The following P4HTM variants were observed in gnomAD, a reference collection of about 807,000 sequenced individuals.
The protein encoded by P4HTM is transmembrane prolyl 4-hydroxylase.
In P4HTM, 33 loss-of-function variants were observed where a neutral mutation model predicts 55.3. The observed-to-expected ratio is 0.60, with a 90% CI of 0.45 to 0.80. P4HTM has a LOEUF of 0.80. Ranked by LOEUF, P4HTM falls within the 30% of genes least tolerant of loss-of-function variation. P4HTM has a pLI of 0.00. For missense variants in P4HTM, 542 were observed against 696.5 expected, an observed-to-expected ratio of 0.78 and a Z score of 2.50; for synonymous variants, 272 against 286.4, an observed-to-expected ratio of 0.95 and a Z score of 0.51.
At chr3:48,991,789 C>T (rs985837240) in intron 2 of P4HTM, 1 of 152,236 alleles carries the variant, frequency 6.6e-6, no homozygotes, top group African/African-American at 2.4e-5. Flanking sequence ...GTCCCATGGA[C>T]ATTGTCCAGG....
In P4HTM at chr3:49,002,514, T is replaced by G. The variant is rs547894228; in HGVS notation, c.642T>G (p.Thr214=). The change falls in exon 4 of 9, where the codon ACT becomes ACG. Residue 214 remains threonine (T), a synonymous_variant. Coordinates refer to ENST00000383729, the MANE Select transcript of P4HTM (RefSeq NM_177939.3). This position sits in a 1 kb window ranked among gnomAD's most constrained non-coding sequence, Gnocchi z 4.4. ...TTATGCTTTAGGTTCTGGCCCAGACTCGCCTGGGAAATGGATGGTGGATGA... is the reference window on the plus strand; with the variant it reads ...TTATGCTTTAGGTTCTGGCCCAGACGCGCCTGGGAAATGGATGGTGGATGA... ...HLQLREVLAQ[T]RLGNGWWMTP... 6.2e-7 allele frequency: 1 copy of G among 1,613,746 alleles called. No homozygotes were observed. Among genetic ancestry groups the G allele is most frequent in the South Asian group, 1.1e-5 (1 of 91,074 alleles).
Position 49,002,481 on chromosome 3 carries a change from G to A in P4HTM, c.628-19G>A, listed in dbSNP as rs769820899. 3 of 1,580,200 alleles carry A rather than the reference G, an allele frequency of 1.9e-6. No individual in the cohort carries two copies. Among genetic ancestry groups the A allele is most frequent in the Non-Finnish European group, 1.7e-6 (2 of 1,149,186 alleles). On this transcript the variant is annotated intron_variant, in intron 3 of 8. Coordinates refer to ENST00000383729, the MANE Select transcript of P4HTM (RefSeq NM_177939.3). The surrounding 1 kb of genome is among the most constrained non-coding windows in gnomAD (Gnocchi z 4.4). ...TCCATCACTGGGGTCACCCACTGAG[G>A]GACCCTCTTATGCTTTAGGTTCTGG...
rs771797015 is a variant in P4HTM, at chr3:49,001,489, C to T, written c.488C>T (p.Ala163Val). Residue 163 changes from alanine to valine, a missense_variant, in exon 3 of 9, where the codon GCG (alanine) becomes GTG (valine). By Grantham distance (64) the Ala-to-Val change is moderately conservative. This residue lies in a region of P4HTM where 536 missense variants were observed against 672.1 expected (regional missense o/e 0.80). Transcript: ENST00000383729. ...GAGTGTCGGCTCATCATCCATCTGGCGCAGATGAAGGGGTTACAGCGCAGC... is the reference window on the plus strand; with the variant it reads ...GAGTGTCGGCTCATCATCCATCTGGTGCAGATGAAGGGGTTACAGCGCAGC... The part of the protein sequence containing the change: ...DEECRLIIHL[A>V]QMKGLQRSQI... 21 of 1,613,738 alleles carry T rather than the reference C, an allele frequency of 1.3e-5. No homozygotes were observed. The highest frequency in any genetic ancestry group is 2.2e-5 in the East Asian group (1 of 44,898).
rs759344554 is a variant in P4HTM, at chr3:48,990,865, C to G, written c.387C>G (p.Thr129=). 1.9e-6 allele frequency: 3 copies of G among 1,613,982 alleles called. No individual in the cohort carries two copies. Among genetic ancestry groups the G allele is most frequent in the Non-Finnish European group, 2.5e-6 (3 of 1,179,948 alleles). The change falls in exon 2 of 9, where the codon ACC becomes ACG. Residue 129 remains threonine (T), a synonymous_variant. Coordinates refer to ENST00000383729, the MANE Select transcript of P4HTM (RefSeq NM_177939.3). The surrounding 1 kb of genome is among the most constrained non-coding windows in gnomAD (Gnocchi z 7.2). ...VGHERKVQLV[T]DRDHFIRTLS... is the part of the protein sequence containing the mutation. ...ACGAGCGTAAGGTCCAGCTGGTCAC[C>G]GACAGGGATCACTTCATCCGAACCC...
chr3:48,995,505 C>G (rs1421949099), intron 2 of P4HTM, among the ~76,000 whole-genome samples: 1 of 152,202 alleles, frequency 6.6e-6, no homozygotes, highest in African/African-American at 2.4e-5. Context: ...TACCTCTGCC[C>G]ACAAAGGTGA....
chr3:48,990,065 T>TG, upstream of P4HTM: 1 of 293,764 alleles, frequency 3.4e-6, no homozygotes, highest in Non-Finnish European at 5.4e-6. This position sits in a 1 kb window ranked among gnomAD's most constrained non-coding sequence, Gnocchi z 7.2. Context: ...AGCCCCAGCG[T>TG]GGGCTGGGGC....
chr3:48,994,698 C>G (rs980271947), intron 2 of P4HTM, among the ~76,000 whole-genome samples: 3 of 152,212 alleles, frequency 2.0e-5, no homozygotes, highest in African/African-American at 4.8e-5. Context: ...ACATTGCTTT[C>G]TTACATGTGG....
In P4HTM at chr3:49,005,806, A is replaced by G. The variant is rs1188238986; in HGVS notation, c.1103A>G (p.Asn368Ser). ...RYMTVLFYLN[N>S]VTGGGETVFP... ...ATGACAGTGCTGTTTTATTTGAACA[A>G]CGTCACTGGTGGGGGCGAGACTGTT... The change falls in exon 7 of 9, where the codon AAC becomes AGC. Residue 368 changes from asparagine to serine, a missense_variant. Around this residue, in one of 2 missense-constraint regions of P4HTM, gnomAD observed 536 missense variants for 672.1 expected, o/e 0.80. Transcript: ENST00000383729. The G allele has an allele frequency of 1.3e-6, 2 of 1,596,044 alleles. No homozygotes were observed. Among genetic ancestry groups the G allele is most frequent in the Admixed American group, 1.8e-5 (1 of 56,578 alleles).
At chr3:49,005,525 G>C in intron 6 of P4HTM, 1 of 1,350,802 alleles carries the variant, frequency 7.4e-7, no homozygotes, top group African/African-American at 1.5e-5. Context: ...CCAGGCCCTT[G>C]CTCAGGGCCA....
chr3:48,990,338 G>C lies in P4HTM; in HGVS notation c.82G>C (p.Asp28His), dbSNP rs2092926719. ...EASRPQWAPP[D>H]HCQAQAAAGL... The stretch of plus-strand genomic sequence containing the variant: ...CTCGAGGCCGCAGTGGGCGCCGCCA[G>C]ACCACTGCCAGGCTCAGGCGGCGGC... The change falls in exon 1 of 9, where the codon GAC becomes CAC. Residue 28 changes from aspartate to histidine, a missense_variant. Coordinates refer to ENST00000383729, the MANE Select transcript of P4HTM (RefSeq NM_177939.3). The surrounding 1 kb of genome is among the most constrained non-coding windows in gnomAD (Gnocchi z 7.2). 2 of 1,514,910 alleles carry C rather than the reference G, an allele frequency of 1.3e-6. No homozygotes were observed. Among genetic ancestry groups the C allele is most frequent in the African/African-American group, 2.9e-5 (2 of 70,118 alleles). 93.8% of individuals were successfully genotyped at this position (1,514,910 alleles called of 1,614,324 possible). A position where few individuals can be genotyped will look rare whatever the true frequency, so the allele number is the denominator to read the frequency against.
At chr3:48,991,108 GTCCATTCTTCCA>G in intron 2 of P4HTM, 194 bp downstream of exon 2, 1 of 572,416 alleles carries the variant, frequency 1.7e-6, no homozygotes, top group Non-Finnish European at 3.1e-6. Context: ...ACTCCCTGCA[GTCCATTCTTCCA>G]TCACAGGGCT....
At position 48,990,954 on chromosome 3, in the gene P4HTM, C is replaced by T; in HGVS notation, c.436+40C>T. On this transcript the variant is annotated intron_variant, in intron 2 of 8. Coordinates refer to ENST00000383729, the MANE Select transcript of P4HTM (RefSeq NM_177939.3). This position sits in a 1 kb window ranked among gnomAD's most constrained non-coding sequence, Gnocchi z 7.2. ...TACTCCTGGGAAGGGCCAGGGGCTG[C>T]GGTTTGGTGGCCACCTTGAGGCTCG... 2 of 1,529,816 alleles carry T rather than the reference C, an allele frequency of 1.3e-6. No individual in the cohort carries two copies. The highest frequency in any genetic ancestry group is 9.0e-7 in the Non-Finnish European group (1 of 1,106,504). 94.8% of individuals were successfully genotyped at this position (1,529,816 alleles called of 1,614,324 possible).
At chr3:49,004,390 C>A in intron 5 of P4HTM, 130 bp downstream of exon 5, 1 of 992,580 alleles carries the variant, frequency 1.0e-6, no homozygotes, top group Non-Finnish European at 1.4e-6. Flanking sequence ...ATTTGTTAGA[C>A]CAGGATTGGG....
Position 49,006,932 on chromosome 3 carries a change from G to T in P4HTM, c.*25G>T. The T allele has an allele frequency of 6.3e-7, 1 of 1,578,718 alleles. No individual in the cohort carries two copies. ...AGGGAAGAGTTAGCCCCGGTTCCCAGCCGCGGGTCGCCAGTTGCCCAAGAT... is the reference window on the plus strand; with the variant it reads ...AGGGAAGAGTTAGCCCCGGTTCCCATCCGCGGGTCGCCAGTTGCCCAAGAT... On this transcript the variant is annotated 3_prime_UTR_variant, in exon 9 of 9. Coordinates refer to ENST00000383729, the MANE Select transcript of P4HTM (RefSeq NM_177939.3).
chr3:48,993,652 A>T (rs2092937427), intron 2 of P4HTM, among the ~76,000 whole-genome samples: 1 of 152,028 alleles, frequency 6.6e-6, no homozygotes, highest in Admixed American at 6.6e-5. Context: ...ACTTGAGGTC[A>T]GGAGTTCGAA....
In P4HTM at chr3:49,006,821, G is replaced by A. The variant is rs759061672; in HGVS notation, c.1423G>A (p.Ala475Thr). 6.2e-7 allele frequency: 1 copy of A among 1,613,358 alleles called. No individual in the cohort carries two copies. The highest frequency in any genetic ancestry group is 1.1e-5 in the South Asian group (1 of 91,092). The change falls in exon 9 of 9, where the codon GCC (alanine) becomes ACC (threonine). Residue 475 changes from alanine (A) to threonine (T), a missense_variant. Physicochemically the swap from Ala to Thr is moderately conservative, Grantham distance 58. Around this residue, in one of 2 missense-constraint regions of P4HTM, gnomAD observed 536 missense variants for 672.1 expected, o/e 0.80. Transcript: ENST00000383729. ...GCAAGCGCTGTTCCAACAGGAGATG[G>A]CCCGCCTTGCCCGAGAAGGGGGCAC... ...ARQALFQQEMARLAREGGTDS... is the reference protein window; with the variant it reads ...ARQALFQQEMTRLAREGGTDS...
rs2092928813 is a variant in P4HTM, at chr3:48,990,746, C to T, written c.355-87C>T. The T allele has an allele frequency of 1.3e-6, 2 of 1,513,422 alleles. No homozygotes were observed. The highest frequency in any genetic ancestry group is 1.8e-6 in the Non-Finnish European group (2 of 1,108,840). 93.7% of individuals were successfully genotyped at this position (1,513,422 alleles called of 1,614,324 possible). ...CCGCGCGCTCCCACTCACTCGCCTGCTGTCGCTCTCCGGGCCGGGGCGACT... is the reference window on the plus strand; with the variant it reads ...CCGCGCGCTCCCACTCACTCGCCTGTTGTCGCTCTCCGGGCCGGGGCGACT... On this transcript the variant is annotated intron_variant, in intron 1 of 8. Transcript: ENST00000383729. The surrounding 1 kb of genome is among the most constrained non-coding windows in gnomAD (Gnocchi z 7.2).
rs1576607076 is a variant in P4HTM at position 49,002,578 on chromosome 3, G to T, written c.706G>T (p.Ala236Ser). 37 of 1,613,380 alleles carry T rather than the reference G, an allele frequency of 2.3e-5. No individual in the cohort carries two copies. The highest frequency in any genetic ancestry group is 3.0e-5 in the Non-Finnish European group (35 of 1,179,296). Residue 236 changes from alanine to serine, a missense_variant, in exon 4 of 9, where the codon GCT becomes TCT. Physicochemically the swap from Ala to Ser is moderately conservative, Grantham distance 99. This residue lies in a region of P4HTM where 536 missense variants were observed against 672.1 expected (regional missense o/e 0.80). Transcript: ENST00000383729. This position sits in a 1 kb window ranked among gnomAD's most constrained non-coding sequence, Gnocchi z 4.4. ...SIQEMYAAIK[A>S]DPDGDGVLSL... ...TCAGGAGATGTACGCCGCGATCAAG[G>T]CTGACCCTGATGGTGACGGTGAGCT...
chr3:49,000,324 A>C (rs2092957526), intron 2 of P4HTM, among the ~76,000 whole-genome samples: 1 of 152,154 alleles, frequency 6.6e-6, no homozygotes, highest in Non-Finnish European at 1.5e-5. Context: ...CCGAGGTGGA[A>C]GGATAGCTTG....
Sources: allele counts gnomAD v4.1 joint callset (sites outside exome capture counted in the v4.1 genomes callset), GRCh38; gene constraint gnomAD v4.1.1; regional missense constraint gnomAD v4.1.1; non-coding constraint Gnocchi (gnomAD v3.1); transcripts MANE v1.5; gene names NCBI Gene and HGNC (gene_info 2026-07-23, HGNC 2026-07-21).